COX10: variants seen among roughly 807,000 people sequenced by gnomAD.
COX10 encodes the protein protoheme IX farnesyltransferase, mitochondrial.
COX10 carries 27 observed loss-of-function variants against 37.3 expected under a neutral mutation model. That is an observed-to-expected ratio of 0.72 (90% CI 0.53 to 1.00). The LOEUF (loss-of-function observed/expected upper bound fraction) is 1.00. COX10 is among the 50% of genes least tolerant of loss of function. The pLI is 0.00. For missense variants in COX10, 475 were observed against 563.2 expected (o/e 0.84, Z 1.59); for synonymous variants, 222 against 229.1 (o/e 0.97, Z 0.28).
At chr17:14,149,535 C>T (rs2142232091) in intron 4 of COX10, among the ~76,000 whole-genome samples, 1 of 152,268 alleles carries the variant, frequency 6.6e-6, no homozygotes, top group Admixed American at 6.5e-5. Flanking sequence ...ACAGGATAGT[C>T]ACCTCATTCC....
chr17:14,167,218 C>CT (rs1347942377), intron 5 of COX10, among the ~76,000 whole-genome samples: 1 of 152,144 alleles, frequency 6.6e-6, no homozygotes, highest in African/African-American at 2.4e-5. Context: ...AAAGATGTGA[C>CT]TGGATAGCTG....
At chr17:14,187,002 AACTC>A (rs914976930) in intron 5 of COX10, among the ~76,000 whole-genome samples, 10 of 151,878 alleles carry the variant, frequency 6.6e-5, no homozygotes, top group African/African-American at 2.2e-4. Flanking sequence ...TTTTTTAAGA[AACTC>A]AATACTGTTT....
intron 3 of COX10, among the ~76,000 whole-genome samples, chr17:14,101,270 A>G (rs906481879): frequency 2.6e-5 from 4 of 152,116 alleles, no homozygotes; most frequent in Non-Finnish European, 4.4e-5. Context: ...TGTTCTTGGA[A>G]TTATCCATGT....
At chr17:14,201,768 G>A (rs1253785733) in intron 6 of COX10, among the ~76,000 whole-genome samples, 1 of 152,186 alleles carries the variant, frequency 6.6e-6, no homozygotes, top group African/African-American at 2.4e-5. Flanking sequence ...CGTGCTTGTG[G>A]CTGTCATAAC....
intron 3 of COX10, among the ~76,000 whole-genome samples, chr17:14,079,686 T>A (rs1260026896): frequency 6.6e-6 from 1 of 152,142 alleles, no homozygotes; most frequent in Admixed American, 6.6e-5. Context: ...TAAAAAAGAA[T>A]TCAAATAATA....
intron 1 of COX10, among the ~76,000 whole-genome samples, chr17:14,072,171 T>G (rs1217651095): frequency 6.6e-6 from 1 of 152,188 alleles, no homozygotes; most frequent in Non-Finnish European, 1.5e-5. Flanking sequence ...TCATAGCTGT[T>G]TTTTCTTCTT....
intron 4 of COX10, among the ~76,000 whole-genome samples, chr17:14,152,187 A>T (rs1175698201): frequency 6.6e-6 from 1 of 152,198 alleles, no homozygotes; most frequent in Non-Finnish European, 1.5e-5. Flanking sequence ...GTCCGTTTTC[A>T]TGCTGCTGAT....
intron 3 of COX10, among the ~76,000 whole-genome samples, chr17:14,094,706 T>C (rs565565528): frequency 6.6e-5 from 10 of 152,242 alleles, no homozygotes; most frequent in Non-Finnish European, 1.2e-4. Flanking sequence ...TAAATTCTTT[T>C]AGCACTGCTT....
rs138182062 is a variant in COX10, at chr17:14,104,584, T to C, written c.624+2342T>C. Among the ~76,000 whole-genome samples the C allele has an allele frequency of 2.4e-3, 361 of 152,262 alleles. 6 individuals are homozygous for C. Among genetic ancestry groups the C allele is most frequent in the African/African-American group, 8.5e-3 (352 of 41,586 alleles). ...AAGTTCTTCACTTCTAATAAAATTC[T>C]ATGGGAGGAAAACTTTCCTTCTGTT... On this transcript the variant is annotated intron_variant, in intron 4 of 6. Transcript: ENST00000261643.
intron 3 of COX10, among the ~76,000 whole-genome samples, chr17:14,087,869 A>G (rs910260030): frequency 2.6e-5 from 4 of 152,094 alleles, no homozygotes; most frequent in African/African-American, 7.2e-5. Flanking sequence ...TATGGTGGCA[A>G]TGGGTGGCTT....
chr17:14,198,479 G>A (rs1461665156), intron 6 of COX10, among the ~76,000 whole-genome samples: 5 of 152,120 alleles, frequency 3.3e-5, no homozygotes, highest in South Asian at 2.1e-4. Context: ...TTGGGCCTTC[G>A]TAATGACCAT....
In COX10 at chr17:14,076,743, A is replaced by G. The variant is rs1326753063; in HGVS notation, c.186A>G (p.Thr62=). 1 of 1,614,198 alleles carries G rather than the reference A, an allele frequency of 6.2e-7. No individual in the cohort carries two copies. The highest frequency in any genetic ancestry group is 1.7e-5 in the Admixed American group (1 of 60,030). The part of the protein sequence containing the change: ...HFSFLKRMYV[T]QLNRSHNQQV... ...TGTGCTTTTTTGTTTAGTATGTCAC[A>G]CAGCTGAACAGAAGCCACAACCAGC... The change falls in exon 3 of 7, where the codon ACA becomes ACG. Residue 62 remains threonine, a synonymous_variant. Coordinates refer to ENST00000261643, the MANE Select transcript of COX10 (RefSeq NM_001303.4).
chr17:14,192,249 T>G (rs151441), intron 6 of COX10, 28 bp downstream of exon 6: 1 of 1,540,200 alleles, frequency 6.5e-7, no homozygotes, highest in South Asian at 1.1e-5. Context: ...TGGAGTCTCA[T>G]ATGAGCACAC....
chr17:14,076,736 A>G lies in COX10; in HGVS notation c.179A>G (p.Tyr60Cys), dbSNP rs754433663. 4 of 1,614,002 alleles carry G rather than the reference A, an allele frequency of 2.5e-6. No individual in the cohort carries two copies. The highest frequency in any genetic ancestry group is 3.4e-6 in the Non-Finnish European group (4 of 1,180,014). Residue 60 changes from tyrosine (Y) to cysteine (C), a missense_variant and splice_region_variant, in exon 3 of 7, where the codon TAT becomes TGT. By Grantham distance (194) the Tyr-to-Cys change is radical. Around this residue, in one of 5 missense-constraint regions of COX10, gnomAD observed 242 missense variants for 242.5 expected, o/e 1.00. Coordinates refer to ENST00000261643, the MANE Select transcript of COX10 (RefSeq NM_001303.4). ...AGTAATGTGTGCTTTTTTGTTTAGTATGTCACACAGCTGAACAGAAGCCAC... is the reference window on the plus strand; with the variant it reads ...AGTAATGTGTGCTTTTTTGTTTAGTGTGTCACACAGCTGAACAGAAGCCAC... ...FQHFSFLKRMYVTQLNRSHNQ... is the reference protein window; with the variant it reads ...FQHFSFLKRMCVTQLNRSHNQ...
intron 5 of COX10, among the ~76,000 whole-genome samples, chr17:14,188,094 T>C (rs913427151): frequency 6.0e-5 from 5 of 83,824 alleles, no homozygotes; most frequent in Non-Finnish European, 1.2e-4. Flanking sequence ...GTAAACAACC[T>C]TCTTCTTCTT....
intron 4 of COX10, among the ~76,000 whole-genome samples, chr17:14,117,651 C>A (rs1916143277): frequency 6.6e-6 from 1 of 152,132 alleles, no homozygotes. Context: ...TCATGGGGAG[C>A]ATTTTTGGGC....
At chr17:14,164,252 C>T (rs1905230308) in intron 5 of COX10, among the ~76,000 whole-genome samples, 2 of 152,306 alleles carry the variant, frequency 1.3e-5, no homozygotes, top group African/African-American at 4.8e-5. Flanking sequence ...CACAGTTATA[C>T]CGCTGGCTGC....
chr17:14,102,632 G>T (rs62055183), intron 4 of COX10, among the ~76,000 whole-genome samples: 22,953 of 151,940 alleles, frequency 0.15, 2,207 homozygotes, highest in East Asian at 0.39. Context: ...CTGCTATAAA[G>T]AACAGAATAT....
chr17:14,201,026 T>C (rs1906528107), intron 6 of COX10, among the ~76,000 whole-genome samples: 1 of 152,190 alleles, frequency 6.6e-6, no homozygotes, highest in Admixed American at 6.5e-5. Flanking sequence ...AGCAGAGGAC[T>C]TTGAAAACAG....
Sources: gnomAD v4.1 joint callset for allele counts (sites outside exome capture counted in the v4.1 genomes callset) on GRCh38, gnomAD v4.1.1 for gene constraint, gnomAD v4.1.1 regional missense constraint, MANE v1.5 for transcripts, NCBI Gene and HGNC (gene_info 2026-07-23, HGNC 2026-07-21) for gene names.